DIAPH2: variants seen among roughly 807,000 people sequenced by gnomAD.
DIAPH2 encodes protein diaphanous homolog 2.
A neutral mutation model predicts 92.7 loss-of-function variants in DIAPH2; 35 were observed. The ratio of observed to expected loss-of-function variants is 0.38; its 90% CI spans 0.29 to 0.50. The LOEUF (loss-of-function observed/expected upper bound fraction) is 0.50. Among genes scored for constraint, DIAPH2 ranks in the 20% least tolerant of loss-of-function variants. The pLI, the probability that DIAPH2 is intolerant of heterozygous loss-of-function variation, is 0.94. For synonymous variants in DIAPH2, 301 were observed against 280.4 expected, an observed-to-expected ratio of 1.07 and a Z score of -0.73; for missense variants, 701 against 819.5, an observed-to-expected ratio of 0.86 and a Z score of 1.77.
At chrX:97,061,675 A>G (rs771298001) in intron 17 of DIAPH2, among the ~76,000 whole-genome samples, 42 of 109,122 alleles carry the variant, frequency 3.8e-4, no homozygotes, top group Non-Finnish European at 6.5e-4. Context: ...TTAGCTGGGC[A>G]TGGTGGAGCA....
At chrX:97,565,371 G>A (rs1169197129) in intron 26 of DIAPH2, among the ~76,000 whole-genome samples, 1 of 112,294 alleles carries the variant, frequency 8.9e-6, no homozygotes, top group Non-Finnish European at 1.9e-5. Context: ...TAAATGCTAA[G>A]TAAACAGCAG....
intron 17 of DIAPH2, among the ~76,000 whole-genome samples, chrX:96,984,362 C>A (rs1466031472): frequency 9.1e-6 from 1 of 110,423 alleles, no homozygotes; most frequent in East Asian, 2.9e-4. Flanking sequence ...AAAATGGGCT[C>A]TAGGCCTTTG....
chrX:97,038,681 C>T (rs1294324597), intron 17 of DIAPH2, among the ~76,000 whole-genome samples: 4 of 109,606 alleles, frequency 3.6e-5, no homozygotes, highest in Admixed American at 1.9e-4. Context: ...ATCTCATTGT[C>T]GCTTTAATTT....
chrX:96,746,095 T>C (rs753713266), intron 3 of DIAPH2, among the ~76,000 whole-genome samples: 1 of 110,665 alleles, frequency 9.0e-6, no homozygotes, highest in Non-Finnish European at 1.9e-5. Context: ...GAGATGAGGT[T>C]TTGCCATGTT....
chrX:97,287,084 T>C (rs1177296471), intron 23 of DIAPH2, among the ~76,000 whole-genome samples: 1 of 111,729 alleles, frequency 9.0e-6, no homozygotes, highest in Admixed American at 9.6e-5. Context: ...AATATGAGAA[T>C]TATAAAAATG....
intron 26 of DIAPH2, among the ~76,000 whole-genome samples, chrX:97,494,855 C>T (rs2070748010): frequency 8.9e-6 from 1 of 112,709 alleles, no homozygotes; most frequent in African/African-American, 3.2e-5. Context: ...TTCCATTTCT[C>T]TCCTATCACA....
At chrX:97,316,078 G>GC (rs1225482661) in intron 23 of DIAPH2, among the ~76,000 whole-genome samples, 1 of 111,050 alleles carries the variant, frequency 9.0e-6, no homozygotes, top group Non-Finnish European at 1.9e-5. Context: ...CTTGATCATC[G>GC]CATCATAGTG....
At chrX:96,775,743 G>C (rs2064373511) in intron 4 of DIAPH2, among the ~76,000 whole-genome samples, 1 of 111,039 alleles carries the variant, frequency 9.0e-6, no homozygotes, top group African/African-American at 3.3e-5. Flanking sequence ...TAATGGCTAA[G>C]TGATTGGGGG....
intron 4 of DIAPH2, among the ~76,000 whole-genome samples, chrX:96,773,801 C>T (rs1369393469): frequency 1.8e-5 from 2 of 111,214 alleles, no homozygotes; most frequent in African/African-American, 3.3e-5. Flanking sequence ...GAGCTGAGAT[C>T]GCGCCTCTGC....
At chrX:97,523,211 G>C (rs1005786937) in intron 26 of DIAPH2, among the ~76,000 whole-genome samples, 2 of 111,434 alleles carry the variant, frequency 1.8e-5, no homozygotes, top group South Asian at 7.6e-4. Flanking sequence ...CCTCTCTTTT[G>C]TCCTTTTGCA....
chrX:97,337,812 C>T (rs1156383233), intron 23 of DIAPH2, among the ~76,000 whole-genome samples: 2 of 110,228 alleles, frequency 1.8e-5, no homozygotes, highest in African/African-American at 6.6e-5. Flanking sequence ...TGGCTGAGTC[C>T]TCACCCAAAC....
chrX:96,697,276 T>A (rs1411849405), intron 1 of DIAPH2, among the ~76,000 whole-genome samples: 2 of 109,002 alleles, frequency 1.8e-5, no homozygotes, highest in Non-Finnish European at 3.8e-5. Flanking sequence ...ACAGCAATCA[T>A]TTTGTAGGTG....
intron 20 of DIAPH2, among the ~76,000 whole-genome samples, chrX:97,105,268 C>T (rs953402521): frequency 9.0e-6 from 1 of 110,624 alleles, no homozygotes; most frequent in East Asian, 2.8e-4. Flanking sequence ...GCAGCCACAT[C>T]ATTAGGTTTG....
chrX:96,865,781 T>C (rs747738994), intron 4 of DIAPH2, among the ~76,000 whole-genome samples: 3 of 112,374 alleles, frequency 2.7e-5, no homozygotes, highest in Non-Finnish European at 3.8e-5. Context: ...ATAATAAATT[T>C]AGTGAGTAGT....
At chrX:97,275,493 C>T (rs1256561798) in intron 23 of DIAPH2, among the ~76,000 whole-genome samples, 8 of 104,325 alleles carry the variant, frequency 7.7e-5, no homozygotes, top group Admixed American at 3.0e-4. Flanking sequence ...GGGCGGCTGC[C>T]GGGCGGAGGG....
chrX:96,813,849 G>A (rs1040166945), intron 4 of DIAPH2, among the ~76,000 whole-genome samples: 1 of 111,710 alleles, frequency 9.0e-6, no homozygotes, highest in Non-Finnish European at 1.9e-5. Context: ...TTGAATATTG[G>A]CCCCCTCTCT....
At chrX:97,507,890 A>C (rs1440464898) in intron 26 of DIAPH2, among the ~76,000 whole-genome samples, 1 of 111,290 alleles carries the variant, frequency 9.0e-6, no homozygotes, top group Non-Finnish European at 1.9e-5. Context: ...GGAAGGGAAG[A>C]AGGGACAAAG....
intron 19 of DIAPH2, among the ~76,000 whole-genome samples, chrX:97,092,806 T>C (rs1397306889): frequency 9.0e-6 from 1 of 111,600 alleles, no homozygotes; most frequent in Non-Finnish European, 1.9e-5. Flanking sequence ...CAGTTTGTCA[T>C]GGCCGTGATA....
chrX:97,349,598 C>T (rs189640032), intron 24 of DIAPH2, among the ~76,000 whole-genome samples: 1 of 111,260 alleles, frequency 9.0e-6, no homozygotes, highest in Non-Finnish European at 1.9e-5. Context: ...GGGCCTATAA[C>T]CCAGAGCATA....
Sources: gnomAD v4.1 joint callset for allele counts (sites outside exome capture counted in the v4.1 genomes callset) on GRCh38, gnomAD v4.1.1 for gene constraint, MANE v1.5 for transcripts, NCBI Gene and HGNC (gene_info 2026-07-23, HGNC 2026-07-21) for gene names.